EIF3H: variants seen among roughly 807,000 people sequenced by gnomAD.
The protein encoded by EIF3H is eIF-3-gamma.
A neutral mutation model predicts 44.2 loss-of-function variants in EIF3H; 26 were observed. The observed-to-expected ratio is 0.59, with a 90% confidence interval of 0.43 to 0.82. The LOEUF is 0.82. Among genes scored for constraint, EIF3H ranks in the 40% least tolerant of loss-of-function variants. The probability of loss-of-function intolerance (pLI) is 0.00; values close to 1 mark genes in which losing one functional copy is unlikely to be tolerated. For missense variants in EIF3H, 359 were observed against 432.8 expected, an observed-to-expected ratio of 0.83 and a Z score of 1.51; for synonymous variants, 166 against 151.9, an observed-to-expected ratio of 1.09 and a Z score of -0.68.
intron 1 of EIF3H, among the ~76,000 whole-genome samples, chr8:116,750,505 G>A (rs1815313816): frequency 6.6e-6 from 1 of 151,218 alleles, no homozygotes; most frequent in African/African-American, 2.4e-5. Context: ...CGCCTCCCCG[G>A]TTCATGCCAT....
At chr8:116,752,712 GA>G (rs1307740522) in intron 1 of EIF3H, among the ~76,000 whole-genome samples, 1 of 128,286 alleles carries the variant, frequency 7.8e-6, no homozygotes, top group African/African-American at 2.9e-5. Context: ...AAGAAAGAAA[GA>G]AAGAAAGAAA....
intron 2 of EIF3H, among the ~76,000 whole-genome samples, chr8:116,678,791 G>A (rs1220184189): frequency 6.9e-6 from 1 of 144,344 alleles, no homozygotes; most frequent in African/African-American, 2.5e-5. Flanking sequence ...GAGCCCCTCC[G>A]TCCGGCAGCC....
At chr8:116,662,428 C>T (rs1046242117) in intron 2 of EIF3H, among the ~76,000 whole-genome samples, 1 of 152,104 alleles carries the variant, frequency 6.6e-6, no homozygotes, top group Non-Finnish European at 1.5e-5. Flanking sequence ...GAAGCGCCAA[C>T]AAATGCAGTG....
In EIF3H at chr8:116,650,242, C is replaced by T. The variant is rs563929480; in HGVS notation, c.708-1316G>A. Among the ~76,000 whole-genome samples the T allele has an allele frequency of 2.0e-5, 3 of 152,032 alleles. No homozygotes were observed. In the South Asian group the frequency reaches 6.2e-4, roughly 32 times the overall value. ...TTAAAAGTCTACTGTGGGGTGTTGG[C>T]GAGGATGTGGAAAAATGAAAACACT... On this transcript the variant is annotated intron_variant, in intron 5 of 7. Coordinates refer to ENST00000521861, the MANE Select transcript of EIF3H (RefSeq NM_003756.3).
intron 2 of EIF3H, among the ~76,000 whole-genome samples, chr8:116,721,821 G>A (rs1401729390): frequency 1.3e-5 from 2 of 152,224 alleles, no homozygotes; most frequent in South Asian, 2.1e-4. Context: ...ATTTGAAATA[G>A]GTGGATTTAT....
intron 2 of EIF3H, among the ~76,000 whole-genome samples, chr8:116,719,573 G>A (rs2130914612): frequency 6.6e-6 from 1 of 152,216 alleles, no homozygotes; most frequent in East Asian, 1.9e-4. Context: ...CCATCACCAA[G>A]AACACAGTCA....
chr8:116,752,855 AAAG>A lies in EIF3H; in HGVS notation c.132+2808_132+2810del, dbSNP rs368134789. 4.0e-4 allele frequency among the ~76,000 whole-genome samples: 60 copies of A among 151,256 alleles called. 1 individual carries two copies. Among genetic ancestry groups the A allele is most frequent in the African/African-American group, 1.3e-3 (54 of 41,256 alleles). On this transcript the variant is annotated intron_variant, in intron 1 of 7. Coordinates refer to ENST00000521861, the MANE Select transcript of EIF3H (RefSeq NM_003756.3). ...AAAGAGAGAGAGAAAAGAAAAGAAA[AAAG>A]AGAGAGAGAAGAGAAGAGTTTAAGG... is the stretch of plus-strand genomic sequence containing the variant.
At chr8:116,670,955 T>C (rs186328864) in intron 2 of EIF3H, among the ~76,000 whole-genome samples, 19 of 152,284 alleles carry the variant, frequency 1.2e-4, no homozygotes, top group African/African-American at 4.6e-4. Flanking sequence ...AAATACAGTA[T>C]ATGAGGCGGA....
chr8:116,735,688 T>C (rs1043451163), intron 1 of EIF3H, among the ~76,000 whole-genome samples: 2 of 151,874 alleles, frequency 1.3e-5, no homozygotes, highest in Non-Finnish European at 2.9e-5. Context: ...GTAATGCAAA[T>C]AGGTCGTCTT....
chr8:116,703,482 G>A (rs1214453909), intron 2 of EIF3H, among the ~76,000 whole-genome samples: 1 of 152,196 alleles, frequency 6.6e-6, no homozygotes, highest in South Asian at 2.1e-4. Context: ...GTGCTTCAGC[G>A]GTCACGCTCC....
At chr8:116,688,533 T>C (rs1202597073) in intron 2 of EIF3H, among the ~76,000 whole-genome samples, 1 of 152,084 alleles carries the variant, frequency 6.6e-6, no homozygotes, top group Admixed American at 6.6e-5. Flanking sequence ...TTATAAAGTT[T>C]AAAAACCAAC....
At chr8:116,657,605 C>A in intron 3 of EIF3H, 1 of 369,286 alleles carries the variant, frequency 2.7e-6, no homozygotes, top group Non-Finnish European at 4.9e-6. Flanking sequence ...AGTAACCTTG[C>A]TGAAAATTAA....
chr8:116,691,553 TA>T (rs1305431808), intron 2 of EIF3H, among the ~76,000 whole-genome samples: 2 of 141,266 alleles, frequency 1.4e-5, no homozygotes, highest in African/African-American at 5.1e-5. Flanking sequence ...TCTATTTTAA[TA>T]GGAAAAAAAA....
chr8:116,752,667 A>AGAAAGAAAGAAG (rs1815361338), intron 1 of EIF3H, among the ~76,000 whole-genome samples: 18 of 16,840 alleles, frequency 1.1e-3, no homozygotes, highest in Non-Finnish European at 2.0e-3. Flanking sequence ...ACAGAAATGA[A>AGAAAGAAAGAAG]GAAAGAAAGA....
chr8:116,703,305 G>C (rs1814409698), intron 2 of EIF3H, among the ~76,000 whole-genome samples: 1 of 152,114 alleles, frequency 6.6e-6, no homozygotes, highest in African/African-American at 2.4e-5. Flanking sequence ...CCCTGGTCTA[G>C]TGGTAATGCC....
intron 2 of EIF3H, among the ~76,000 whole-genome samples, chr8:116,703,085 A>C (rs1346937754): frequency 6.6e-6 from 1 of 152,254 alleles, no homozygotes; most frequent in Non-Finnish European, 1.5e-5. Context: ...GAAGATACTT[A>C]AAATAAGAAT....
Position 116,730,826 on chromosome 8 carries a change from T to C in EIF3H, c.133-4654A>G, listed in dbSNP as rs145182748. Among the ~76,000 whole-genome samples, 83 of 152,352 alleles carry C rather than the reference T, an allele frequency of 5.4e-4. No homozygotes were observed. The East Asian group carries it at 0.012, about 23-fold the overall frequency. ...ATGAATGGCAAACACTTATCACTTA[T>C]GATATGTCAAGCACTCCACCGTCTT... On this transcript the variant is annotated intron_variant, in intron 1 of 7. Transcript: ENST00000521861.
chr8:116,696,494 T>C (rs1175020975), intron 2 of EIF3H, among the ~76,000 whole-genome samples: 1 of 152,222 alleles, frequency 6.6e-6, no homozygotes, highest in Non-Finnish European at 1.5e-5. Context: ...GGTTCTTTCC[T>C]GAGACTATTT....
intron 1 of EIF3H, among the ~76,000 whole-genome samples, chr8:116,764,958 G>C (rs534052053): frequency 6.6e-6 from 1 of 152,156 alleles, no homozygotes; most frequent in Non-Finnish European, 1.5e-5. Context: ...ATTAAAAAAC[G>C]ACAACAAAAA....
Sources: gnomAD v4.1 joint callset for allele counts (sites outside exome capture counted in the v4.1 genomes callset) on GRCh38, gnomAD v4.1.1 for gene constraint, MANE v1.5 for transcripts, NCBI Gene and HGNC (gene_info 2026-07-23, HGNC 2026-07-21) for gene names.